AOPEP: variants seen among roughly 807,000 people sequenced by gnomAD.
The protein encoded by AOPEP is aminopeptidase O (putative).
A neutral mutation model predicts 98.1 loss-of-function variants in AOPEP; 77 were observed. That is an observed-to-expected ratio of 0.78 (90% confidence interval 0.65 to 0.95). The LOEUF (loss-of-function observed/expected upper bound fraction) is 0.95. Among genes scored for constraint, AOPEP ranks in the 40% least tolerant of loss-of-function variants. The probability of loss-of-function intolerance (pLI) is 0.00; values close to 1 mark genes in which losing one functional copy is unlikely to be tolerated. For synonymous variants in AOPEP, 346 were observed against 365.3 expected (o/e 0.95, Z 0.60); for missense variants, 1,024 against 1,024.7 (o/e 1.00, Z 0.01).
intron 5 of AOPEP, among the ~76,000 whole-genome samples, chr9:94,890,248 G>T (rs2048733168): frequency 6.6e-6 from 1 of 151,758 alleles, no homozygotes; most frequent in Non-Finnish European, 1.5e-5. Context: ...TGTCACCCAG[G>T]CTGGAGCGCA....
At chr9:95,129,063 T>G in the AOPEP span, among the ~76,000 whole-genome samples, 5 of 151,970 alleles carry the variant, frequency 3.3e-5, no homozygotes, top group African/African-American at 1.2e-4. Context: ...CCACCACACC[T>G]GGCTAATTTT....
chr9:95,086,651 G>A, intron 16 of AOPEP, 31 bp from the exon 17 acceptor site: 1 of 987,878 alleles, frequency 1.0e-6, no homozygotes, highest in Non-Finnish European at 1.2e-6. Flanking sequence ...CGGTGACTGG[G>A]TAATCAATGT....
rs1588584201 is a variant in AOPEP, at chr9:94,859,973, G to A, written c.1364+58971G>A. 2.0e-5 allele frequency among the ~76,000 whole-genome samples: 3 copies of A among 152,340 alleles called. No homozygotes were observed. The South Asian group carries it at 6.2e-4, about 32-fold the overall frequency. On this transcript the variant is annotated intron_variant, in intron 5 of 16. Coordinates refer to ENST00000375315, the MANE Select transcript of AOPEP (RefSeq NM_001193329.3). Reference sequence around the variant, plus strand: ...TAGAGACAGTCCCTGTCTTCAAGGGGCTTATAGTCTGGTTGGGGAGATAGA... The same window carrying A: ...TAGAGACAGTCCCTGTCTTCAAGGGACTTATAGTCTGGTTGGGGAGATAGA...
the AOPEP span, chr9:95,124,963 A>C: frequency 1.2e-6 from 1 of 827,512 alleles, no homozygotes; most frequent in Non-Finnish European, 2.0e-6. Context: ...ACTCATTAGG[A>C]ACCTTTCTTT....
At chr9:94,859,475 A>T (rs1262210746) in intron 5 of AOPEP, among the ~76,000 whole-genome samples, 2 of 152,226 alleles carry the variant, frequency 1.3e-5, no homozygotes, top group Admixed American at 6.5e-5. Flanking sequence ...TAATCTGACT[A>T]ACTCAAGATC....
chr9:95,105,288 G>A, the AOPEP span, among the ~76,000 whole-genome samples: 20 of 152,296 alleles, frequency 1.3e-4, no homozygotes, highest in Non-Finnish European at 2.4e-4. Flanking sequence ...GGACATTCAC[G>A]TTTCAGTCAG....
the AOPEP span, chr9:95,126,541 T>A: frequency 1.2e-6 from 2 of 1,613,990 alleles, no homozygotes; most frequent in Non-Finnish European, 1.7e-6. Context: ...GAACATCTCA[T>A]CAACAACCCG....
At chr9:94,871,872 T>C (rs1407724119) in intron 5 of AOPEP, among the ~76,000 whole-genome samples, 1 of 152,066 alleles carries the variant, frequency 6.6e-6, no homozygotes, top group Non-Finnish European at 1.5e-5. Context: ...CCAGGCATGT[T>C]TGTGTGTGCT....
chr9:95,119,173 C>T, the AOPEP span, among the ~76,000 whole-genome samples: 1 of 152,276 alleles, frequency 6.6e-6, no homozygotes, highest in South Asian at 2.1e-4. Context: ...TTTTCATGTG[C>T]TTACTGCCAA....
In AOPEP at chr9:94,763,727, C is replaced by T. The variant is rs530624728; in HGVS notation, c.797+3147C>T. Among the ~76,000 whole-genome samples the T allele has an allele frequency of 1.0e-3, 152 of 152,310 alleles. 1 individual carries two copies. The highest frequency in any genetic ancestry group is 3.5e-3 in the African/African-American group (146 of 41,580). On this transcript the variant is annotated intron_variant, in intron 2 of 16. Coordinates refer to ENST00000375315, the MANE Select transcript of AOPEP (RefSeq NM_001193329.3). ...AAACAGCAGGAACAACAACCCACAG[C>T]GATGGGGGTATGCCAGAGGGACAAG...
intron 4 of AOPEP, among the ~76,000 whole-genome samples, chr9:94,795,602 A>T (rs949983939): frequency 6.6e-6 from 1 of 152,176 alleles, no homozygotes; most frequent in African/African-American, 2.4e-5. Flanking sequence ...GCAAAGACAG[A>T]CATTTGTTAT....
intron 5 of AOPEP, among the ~76,000 whole-genome samples, chr9:94,804,036 A>G (rs1440724973): frequency 6.6e-6 from 1 of 152,178 alleles, no homozygotes; most frequent in East Asian, 1.9e-4. Flanking sequence ...CTGTTGGTTT[A>G]ATTAATATTC....
At chr9:94,938,425 G>A (rs1422839015) in intron 7 of AOPEP, among the ~76,000 whole-genome samples, 1 of 152,182 alleles carries the variant, frequency 6.6e-6, no homozygotes, top group Non-Finnish European at 1.5e-5. Flanking sequence ...AGAGTTCTAA[G>A]AACTGAGAGT....
chr9:94,928,062 C>T (rs1023398601), intron 6 of AOPEP, among the ~76,000 whole-genome samples: 1 of 152,156 alleles, frequency 6.6e-6, no homozygotes, highest in Non-Finnish European at 1.5e-5. Flanking sequence ...GTGGGGCCTT[C>T]CCCATCCTGT....
At chr9:94,796,839 A>G (rs1326769132) in intron 4 of AOPEP, among the ~76,000 whole-genome samples, 10 of 152,234 alleles carry the variant, frequency 6.6e-5, no homozygotes, top group Admixed American at 6.5e-4. Context: ...TATAACCTTC[A>G]GCCACAGGGG....
intron 3 of AOPEP, among the ~76,000 whole-genome samples, chr9:94,774,800 A>G (rs1226326570): frequency 6.6e-6 from 1 of 152,194 alleles, no homozygotes; most frequent in Admixed American, 6.5e-5. Flanking sequence ...AGGCTGTGCC[A>G]ATTTATACAT....
chr9:95,100,095 G>A, the AOPEP span: 101 of 232,662 alleles, frequency 4.3e-4, no homozygotes, highest in African/African-American at 2.1e-3. Flanking sequence ...GTCAGAACAG[G>A]AGAGAGGCCC....
intron 1 of AOPEP, among the ~76,000 whole-genome samples, chr9:94,728,219 T>A (rs1378236910): frequency 7.3e-6 from 1 of 137,360 alleles, no homozygotes. Flanking sequence ...TAATTTGTGA[T>A]CCTTCCTGCG....
At chr9:94,911,289 C>T (rs2051999519) in intron 5 of AOPEP, among the ~76,000 whole-genome samples, 1 of 152,204 alleles carries the variant, frequency 6.6e-6, no homozygotes, top group Non-Finnish European at 1.5e-5. Flanking sequence ...GTAGCTGTCA[C>T]AGTTTCATTT....
Sources: allele counts gnomAD v4.1 joint callset (sites outside exome capture counted in the v4.1 genomes callset), GRCh38; gene constraint gnomAD v4.1.1; transcripts MANE v1.5; gene names NCBI Gene and HGNC (gene_info 2026-07-23, HGNC 2026-07-21).